Variants in OSBPL6 observed in about 807,000 individuals in gnomAD.
OSBPL6 encodes oxysterol binding protein like 6, also known as oxysterol-binding protein-related protein 6.
In OSBPL6, 49 loss-of-function variants were observed where a neutral mutation model predicts 125.8. The ratio of observed to expected loss-of-function variants is 0.39; its 90% CI spans 0.31 to 0.49. The LOEUF (loss-of-function observed/expected upper bound fraction) is 0.49. OSBPL6 is among the 20% of genes least tolerant of loss of function. OSBPL6 has a pLI of 0.88. For missense variants in OSBPL6, 986 were observed against 1,135.4 expected (o/e 0.87, Z 1.89); for synonymous variants, 394 against 391.8 (o/e 1.01, Z -0.07).
intron 1 of OSBPL6, among the ~76,000 whole-genome samples, chr2:178,204,863 T>C (rs2089449305): frequency 6.6e-6 from 1 of 152,204 alleles, no homozygotes; most frequent in East Asian, 1.9e-4. Context: ...TATTGATTCA[T>C]TGACTGATTC....
At chr2:178,284,312 G>T (rs1234994415) in intron 1 of OSBPL6, among the ~76,000 whole-genome samples, 1 of 152,132 alleles carries the variant, frequency 6.6e-6, no homozygotes, top group Non-Finnish European at 1.5e-5. Context: ...CAGCCCTTTG[G>T]GAGGCCGAGG....
At chr2:178,279,928 G>A (rs547497929) in intron 1 of OSBPL6, among the ~76,000 whole-genome samples, 5 of 152,128 alleles carry the variant, frequency 3.3e-5, no homozygotes, top group African/African-American at 9.7e-5. Context: ...GGACAGGTGC[G>A]GTGGCTCACA....
At chr2:178,385,352 CT>C in intron 18 of OSBPL6, 105 bp from the exon 19 acceptor site, 1 of 787,910 alleles carries the variant, frequency 1.3e-6, no homozygotes, top group South Asian at 1.7e-5. Context: ...AGCATGAAGT[CT>C]TACAGATTTA....
intron 13 of OSBPL6, among the ~76,000 whole-genome samples, chr2:178,364,908 G>A (rs180737142): frequency 7.5e-4 from 114 of 152,300 alleles, no homozygotes; most frequent in East Asian, 5.0e-3. Context: ...CTGGCCGGGC[G>A]CGGTGGCTCA....
intron 1 of OSBPL6, among the ~76,000 whole-genome samples, chr2:178,213,911 G>T (rs551760473): frequency 6.6e-6 from 1 of 152,228 alleles, no homozygotes; most frequent in South Asian, 2.1e-4. Flanking sequence ...CATCTTCAGT[G>T]TCATTCCTCG....
At chr2:178,241,732 A>G (rs1256641219) in intron 1 of OSBPL6, among the ~76,000 whole-genome samples, 12 of 152,178 alleles carry the variant, frequency 7.9e-5, no homozygotes, top group Admixed American at 7.9e-4. Flanking sequence ...TTTTTAAAAG[A>G]CATCTTAAAG....
intron 1 of OSBPL6, among the ~76,000 whole-genome samples, chr2:178,239,559 T>G (rs1396317167): frequency 1.3e-5 from 2 of 151,956 alleles, no homozygotes; most frequent in African/African-American, 4.8e-5. Flanking sequence ...GTGAGACCCC[T>G]GTTCTAAGAT....
intron 4 of OSBPL6, among the ~76,000 whole-genome samples, chr2:178,325,506 C>T (rs939597699): frequency 1.3e-5 from 2 of 152,044 alleles, no homozygotes; most frequent in South Asian, 2.1e-4. Flanking sequence ...ATTTGAATAG[C>T]GAGTACAGAC....
chr2:178,386,533 T>TG (rs1694947093), intron 19 of OSBPL6, among the ~76,000 whole-genome samples: 1 of 152,170 alleles, frequency 6.6e-6, no homozygotes, highest in Admixed American at 6.5e-5. Flanking sequence ...GTCTTTGATA[T>TG]GGGGGGAAAT....
chr2:178,382,110 G>A (rs367574225), intron 15 of OSBPL6, among the ~76,000 whole-genome samples: 3 of 152,114 alleles, frequency 2.0e-5, no homozygotes, highest in Admixed American at 6.5e-5. Context: ...TGGCAAAAAC[G>A]CAAGTACTCT....
At chr2:178,325,943 G>A (rs973723353) in intron 4 of OSBPL6, among the ~76,000 whole-genome samples, 1 of 152,064 alleles carries the variant, frequency 6.6e-6, no homozygotes, top group Non-Finnish European at 1.5e-5. Flanking sequence ...CTTAGATCTT[G>A]CTGTAGGACT....
intron 12 of OSBPL6, among the ~76,000 whole-genome samples, chr2:178,359,263 C>A (rs1191874786): frequency 1.3e-5 from 2 of 152,166 alleles, no homozygotes; most frequent in Non-Finnish European, 2.9e-5. Context: ...GTAGATACTT[C>A]TCCAAAGATG....
intron 2 of OSBPL6, among the ~76,000 whole-genome samples, chr2:178,285,849 A>G (rs1289137885): frequency 1.3e-5 from 2 of 152,132 alleles, no homozygotes; most frequent in South Asian, 4.1e-4. Flanking sequence ...CTCAAACCTT[A>G]TTTGCCAGGG....
chr2:178,326,967 C>A (rs1688746479), intron 4 of OSBPL6, among the ~76,000 whole-genome samples: 1 of 151,844 alleles, frequency 6.6e-6, no homozygotes, highest in African/African-American at 2.4e-5. Flanking sequence ...AAATTAGTAG[C>A]CATACCTAAG....
chr2:178,241,796 A>G (rs1335344449), intron 1 of OSBPL6, among the ~76,000 whole-genome samples: 1 of 152,228 alleles, frequency 6.6e-6, no homozygotes, highest in Non-Finnish European at 1.5e-5. Flanking sequence ...AGATGATTTT[A>G]TGGGCCACAT....
At chr2:178,379,251 G>A (rs1161876219) in intron 15 of OSBPL6, among the ~76,000 whole-genome samples, 3 of 143,722 alleles carry the variant, frequency 2.1e-5, no homozygotes, top group African/African-American at 7.7e-5. Flanking sequence ...GAGAGAGAGA[G>A]AAAGAAAAAC....
At chr2:178,332,009 G>C (rs528952166) in intron 6 of OSBPL6, among the ~76,000 whole-genome samples, 1 of 152,276 alleles carries the variant, frequency 6.6e-6, no homozygotes, top group Non-Finnish European at 1.5e-5. Flanking sequence ...TTATCTTGGA[G>C]ATCCCAATTC....
intron 1 of OSBPL6, among the ~76,000 whole-genome samples, chr2:178,260,306 A>G (rs2092017477): frequency 6.6e-6 from 1 of 152,170 alleles, no homozygotes; most frequent in Non-Finnish European, 1.5e-5. Context: ...CTTTTGGATT[A>G]TCTAATTATC....
chr2:178,254,787 C>G (rs2091825718), intron 1 of OSBPL6, among the ~76,000 whole-genome samples: 1 of 152,270 alleles, frequency 6.6e-6, no homozygotes, highest in African/African-American at 2.4e-5. Flanking sequence ...AGTTCTGGGG[C>G]CTGTTGTTTT....
Sources: allele counts gnomAD v4.1 joint callset (sites outside exome capture counted in the v4.1 genomes callset), GRCh38; gene constraint gnomAD v4.1.1; transcripts MANE v1.5; gene names NCBI Gene and HGNC (gene_info 2026-07-23, HGNC 2026-07-21).